MYO18A: variants seen among roughly 807,000 people sequenced by gnomAD.
The protein encoded by MYO18A is myosin XVIIIA.
In MYO18A, 78 loss-of-function variants were observed where a neutral mutation model predicts 235.8. The ratio of observed to expected loss-of-function variants is 0.33; its 90% CI spans 0.28 to 0.40. The LOEUF is 0.40. Ranked by LOEUF, MYO18A falls within the 10% of genes least tolerant of loss-of-function variation. The pLI is 1.00. For missense variants in MYO18A, 2,215 were observed against 2,699.3 expected, an observed-to-expected ratio of 0.82 and a Z score of 3.98; for synonymous variants, 977 against 1,077.8, an observed-to-expected ratio of 0.91 and a Z score of 1.83.
At chr17:29,087,917 C>G (rs919941492) in intron 37 of MYO18A, among the ~76,000 whole-genome samples, 1 of 152,096 alleles carries the variant, frequency 6.6e-6, no homozygotes, top group African/African-American at 2.4e-5. Context: ...TGTCCTGTGT[C>G]CACCAGACCA....
At position 29,097,724 on chromosome 17, in the gene MYO18A, C is replaced by G. The variant is rs897857745; in HGVS notation, c.4102+64G>C. On this transcript the variant is annotated intron_variant, in intron 26 of 41. Transcript: ENST00000527372. ...AGGCCTGGACAAGGGGCATGACTAC[C>G]CAGGGGTGGGCATCAGGGCTCGCAT... 7 of 1,427,878 alleles carry G rather than the reference C, an allele frequency of 4.9e-6. No homozygotes were observed. In the Admixed American group the frequency reaches 1.1e-4, roughly 23 times the overall value. The allele number at this position is 1,427,878 out of a possible 1,614,324, so 88.5% of individuals were successfully genotyped here. A position where few individuals can be genotyped will look rare whatever the true frequency, so the allele number is the denominator to read the frequency against.
chr17:29,128,363 C>T (rs1192482407), intron 2 of MYO18A: 7 of 1,283,578 alleles, frequency 5.5e-6, no homozygotes, highest in South Asian at 1.2e-5. Flanking sequence ...ATTTGCCACC[C>T]GCTTCCGGGA....
chr17:29,089,885 C>A, intron 37 of MYO18A, 76 bp downstream of exon 37: 1 of 1,582,744 alleles, frequency 6.3e-7, no homozygotes. Flanking sequence ...CTGTCCAGCC[C>A]TGCTGAGCAT....
At chr17:29,132,060 C>A (rs1294060668) in intron 2 of MYO18A, among the ~76,000 whole-genome samples, 1 of 152,172 alleles carries the variant, frequency 6.6e-6, no homozygotes, top group Non-Finnish European at 1.5e-5. Context: ...CAACCTCAGA[C>A]CCACAAAACT....
rs533454567 is a variant in MYO18A, at chr17:29,170,866, A to G, written c.-81-3845T>C. Reference sequence around the variant, plus strand: ...CATAAACAATGCTCATATTCATGCAATGGAATACTACTCAGCAAGAAAAAA... The same window carrying G: ...CATAAACAATGCTCATATTCATGCAGTGGAATACTACTCAGCAAGAAAAAA... On this transcript the variant is annotated intron_variant, in intron 1 of 41. Coordinates refer to ENST00000527372, the MANE Select transcript of MYO18A (RefSeq NM_078471.4). 6.6e-5 allele frequency among the ~76,000 whole-genome samples: 10 copies of G among 152,348 alleles called. No homozygotes were observed. In the South Asian group the frequency reaches 1.2e-3, roughly 19 times the overall value.
chr17:29,092,827 G>C (rs375682161), intron 33 of MYO18A, 28 bp downstream of exon 33: 11 of 1,611,752 alleles, frequency 6.8e-6, no homozygotes, highest in South Asian at 3.3e-5. Flanking sequence ...TGTTGTGCCT[G>C]GATCAGCCGT....
Position 29,120,985 on chromosome 17 carries a change from G to A in MYO18A, c.1585+13C>T, listed in dbSNP as rs746214602. On this transcript the variant is annotated intron_variant, in intron 6 of 41. Transcript: ENST00000527372. The surrounding 1 kb of genome is among the most constrained non-coding windows in gnomAD (Gnocchi z 4.2). ...CACCCCACTTTCAGTTTTCTCCCTT[G>A]TCCCTGCCTCACCAGAAAACACCTT... 4 of 1,604,354 alleles carry A rather than the reference G, an allele frequency of 2.5e-6. No individual in the cohort carries two copies. The highest frequency in any genetic ancestry group is 1.9e-4 in the Middle Eastern group (1 of 5,162).
At chr17:29,085,995 C>T (rs1236305416) in intron 39 of MYO18A, among the ~76,000 whole-genome samples, 1 of 152,248 alleles carries the variant, frequency 6.6e-6, no homozygotes, top group African/African-American at 2.4e-5. Flanking sequence ...GCACTGCTGG[C>T]CTTCCTTCCT....
chr17:29,074,935 G>A lies in MYO18A; in HGVS notation c.6021-21C>T. 1 of 1,613,502 alleles carries A rather than the reference G, an allele frequency of 6.2e-7. No individual in the cohort carries two copies. The highest frequency in any genetic ancestry group is 8.5e-7 in the Non-Finnish European group (1 of 1,179,486). ...TGGGGCTGCAGGGACCGAGGAATAA[G>A]GTTAGGGACAAATGACACTCCTACC... On this transcript the variant is annotated intron_variant, in intron 41 of 41. Coordinates refer to ENST00000527372, the MANE Select transcript of MYO18A (RefSeq NM_078471.4). The surrounding 1 kb of genome is among the most constrained non-coding windows in gnomAD (Gnocchi z 4.4).
rs2067207876 is a variant in MYO18A, at chr17:29,121,838, C to T, written c.1194+13G>A. Reference sequence around the variant, plus strand: ...GAGCCTCCTCCCCCACACCCAGCCCCCTGCCCACCTACCTTCTCAACGTCA... The same window carrying T: ...GAGCCTCCTCCCCCACACCCAGCCCTCTGCCCACCTACCTTCTCAACGTCA... On this transcript the variant is annotated intron_variant, in intron 4 of 41. Coordinates refer to ENST00000527372, the MANE Select transcript of MYO18A (RefSeq NM_078471.4). This position sits in a 1 kb window ranked among gnomAD's most constrained non-coding sequence, Gnocchi z 4.2. The T allele has an allele frequency of 6.2e-7, 1 of 1,613,818 alleles. No homozygotes were observed. The highest frequency in any genetic ancestry group is 1.3e-5 in the African/African-American group (1 of 75,050).
chr17:29,086,665 C>T (rs2066260839), intron 38 of MYO18A, 88 bp from the exon 39 acceptor site: 1 of 1,496,066 alleles, frequency 6.7e-7, no homozygotes. Context: ...ACTTTCCGGT[C>T]ATGGGGGTGC....
intron 34 of MYO18A, 91 bp from the exon 35 acceptor site, chr17:29,091,017 G>A (rs1367716332): frequency 4.9e-6 from 5 of 1,029,550 alleles, no homozygotes; most frequent in Admixed American, 2.0e-5. Context: ...TTGTAGAGAA[G>A]ATGATAATGG....
chr17:29,171,486 A>G (rs2068402567), intron 1 of MYO18A, among the ~76,000 whole-genome samples: 1 of 148,244 alleles, frequency 6.7e-6, no homozygotes, highest in Admixed American at 6.6e-5. Flanking sequence ...TATCCACTCA[A>G]AAGAAAAGAA....
At chr17:29,154,342 A>G (rs2152954835) in intron 2 of MYO18A, among the ~76,000 whole-genome samples, 1 of 152,102 alleles carries the variant, frequency 6.6e-6, no homozygotes, top group South Asian at 2.1e-4. Context: ...ATTTGGGGTG[A>G]GGTGGTCAGG....
At position 29,091,399 on chromosome 17, in the gene MYO18A, G is replaced by C. The variant is rs958972444; in HGVS notation, c.5188-473C>G. 1.8e-5 allele frequency: 6 copies of C among 334,128 alleles called. No individual in the cohort carries two copies. In the East Asian group the frequency reaches 2.6e-4, roughly 14 times the overall value. The allele number at this position is 334,128 out of a possible 1,614,324, so 20.7% of individuals were successfully genotyped here. On this transcript the variant is annotated intron_variant, in intron 34 of 41. Coordinates refer to ENST00000527372, the MANE Select transcript of MYO18A (RefSeq NM_078471.4). ...GCCCCGACAGCCAGTCCCCTCCTTG[G>C]GGGAGGGGAAGAGAGATCCAACAGC...
At chr17:29,080,166 C>T (rs980335927) in intron 41 of MYO18A, 1 of 985,912 alleles carries the variant, frequency 1.0e-6, no homozygotes, top group East Asian at 1.1e-4. Context: ...GTTGGGCGCT[C>T]CGGGCACTTT....
At chr17:29,167,700 CAAA>C (rs748643802) in intron 1 of MYO18A, among the ~76,000 whole-genome samples, 4 of 119,308 alleles carry the variant, frequency 3.4e-5, no homozygotes, top group Non-Finnish European at 3.7e-5. Flanking sequence ...GACCCTGTCT[CAAA>C]AAAAAAAAAA....
chr17:29,080,157 T>C, intron 41 of MYO18A: 2 of 985,904 alleles, frequency 2.0e-6, no homozygotes, highest in Non-Finnish European at 2.4e-6. Context: ...GGGGGTCCAG[T>C]TGGGCGCTCC....
chr17:29,163,149 C>A (rs1353799381), intron 2 of MYO18A, among the ~76,000 whole-genome samples: 1 of 152,212 alleles, frequency 6.6e-6, no homozygotes, highest in Non-Finnish European at 1.5e-5. Flanking sequence ...GGGTATCCCT[C>A]CCAGGAGTCT....
Sources: allele counts gnomAD v4.1 joint callset (sites outside exome capture counted in the v4.1 genomes callset), GRCh38; gene constraint gnomAD v4.1.1; non-coding constraint Gnocchi (gnomAD v3.1); transcripts MANE v1.5; gene names NCBI Gene and HGNC (gene_info 2026-07-23, HGNC 2026-07-21).